The following TUNAR variants were observed in gnomAD, a reference collection of about 807,000 sequenced individuals.
TUNAR encodes the protein protein TUNAR.
At chr14:95,901,901 G>A (rs1434175944) in intron 2 of TUNAR, among the ~76,000 whole-genome samples, 45 of 152,284 alleles carry the variant, frequency 3.0e-4, no homozygotes, top group East Asian at 1.9e-4. Flanking sequence ...GCAGGGACAC[G>A]GTATCTGAGC....
chr14:95,916,771 ACT>A (rs1345657146), intron 2 of TUNAR, among the ~76,000 whole-genome samples: 4 of 151,930 alleles, frequency 2.6e-5, no homozygotes, highest in East Asian at 1.9e-4. Flanking sequence ...TACCGTACAG[ACT>A]CTGTCAGTGT....
At chr14:95,904,713 A>T (rs1049306502) in intron 2 of TUNAR, among the ~76,000 whole-genome samples, 12 of 152,198 alleles carry the variant, frequency 7.9e-5, no homozygotes, top group African/African-American at 2.7e-4. Flanking sequence ...AGCCCCTTCC[A>T]GGCCTCGGGC....
intron 2 of TUNAR, among the ~76,000 whole-genome samples, chr14:95,907,789 G>A (rs143344886): frequency 0.015 from 2,356 of 152,268 alleles, 23 homozygotes; most frequent in Non-Finnish European, 0.022. Flanking sequence ...AGGAGGCCCT[G>A]AAGAGGGTGA....
intron 2 of TUNAR, among the ~76,000 whole-genome samples, chr14:95,877,902 T>TGTTCTCTTTCCTGGG (rs1392831502): frequency 6.6e-6 from 1 of 152,210 alleles, no homozygotes; most frequent in Non-Finnish European, 1.5e-5. Flanking sequence ...TTTTCCTAGG[T>TGTTCTCTTTCCTGGG]GTTCTCTTTC....
intron 2 of TUNAR, among the ~76,000 whole-genome samples, chr14:95,888,684 G>T (rs191083073): frequency 6.6e-6 from 1 of 152,182 alleles, no homozygotes; most frequent in Admixed American, 6.5e-5. Flanking sequence ...AGAGCAAGAG[G>T]TTGTAGTGCG....
chr14:95,885,091 C>T (rs1005219550), intron 2 of TUNAR, among the ~76,000 whole-genome samples: 3 of 152,164 alleles, frequency 2.0e-5, no homozygotes, highest in Non-Finnish European at 2.9e-5. Flanking sequence ...GCGTGCTCAG[C>T]GCATGGGGCC....
At chr14:95,900,288 C>T (rs554475451) in intron 2 of TUNAR, among the ~76,000 whole-genome samples, 15 of 152,244 alleles carry the variant, frequency 9.9e-5, no homozygotes, top group South Asian at 8.3e-4. Context: ...GGGAAGGCTG[C>T]GCTGCTGGGA....
intron 2 of TUNAR, among the ~76,000 whole-genome samples, chr14:95,916,990 G>A (rs1014217687): frequency 3.3e-5 from 5 of 152,170 alleles, no homozygotes; most frequent in African/African-American, 1.2e-4. Flanking sequence ...CTAGAATGAT[G>A]TATAGTGTAT....
intron 2 of TUNAR, among the ~76,000 whole-genome samples, chr14:95,883,483 C>T (rs1311477896): frequency 1.3e-5 from 2 of 152,234 alleles, no homozygotes; most frequent in East Asian, 1.9e-4. Context: ...AGCTCTGGTC[C>T]AGGCACTGCT....
chr14:95,901,270 T>C (rs1296989929), intron 2 of TUNAR, among the ~76,000 whole-genome samples: 2 of 152,250 alleles, frequency 1.3e-5, no homozygotes, highest in African/African-American at 2.4e-5. Flanking sequence ...AGCAGAAATC[T>C]GGGCAACCAT....
rs185950029 is a variant in TUNAR at position 95,915,523 on chromosome 14, A to T, written c.13-7258A>T. Among the ~76,000 whole-genome samples the T allele has an allele frequency of 2.0e-3, 304 of 152,348 alleles. 1 individual carries two copies. Among genetic ancestry groups the T allele is most frequent in the Middle Eastern group, 0.01 (3 of 294 alleles). On this transcript the variant is annotated intron_variant, in intron 2 of 2. Coordinates refer to ENST00000678517, the Ensembl canonical transcript of TUNAR. Reference sequence around the variant, plus strand: ...CCATCCCCATGGCAGCTTGATTGACAGCCTCCATTAGGAAGGGTAATTTTC... The same window carrying T: ...CCATCCCCATGGCAGCTTGATTGACTGCCTCCATTAGGAAGGGTAATTTTC...
chr14:95,908,489 T>C (rs1347599328), intron 2 of TUNAR, among the ~76,000 whole-genome samples: 1 of 152,258 alleles, frequency 6.6e-6, no homozygotes, highest in East Asian at 1.9e-4. Flanking sequence ...TGCTGGTCTC[T>C]CATGACAACT....
At chr14:95,897,147 A>T (rs1889282142) in intron 2 of TUNAR, among the ~76,000 whole-genome samples, 1 of 152,180 alleles carries the variant, frequency 6.6e-6, no homozygotes, top group Non-Finnish European at 1.5e-5. Flanking sequence ...TGTTCTGGGG[A>T]TGTTTTTCCT....
chr14:95,888,968 A>G (rs1183129114), intron 2 of TUNAR, among the ~76,000 whole-genome samples: 1 of 152,196 alleles, frequency 6.6e-6, no homozygotes, highest in African/African-American at 2.4e-5. Context: ...ACCCCTCTGC[A>G]GTGTAAAGTG....
chr14:95,913,807 C>A (rs1961232), intron 2 of TUNAR, among the ~76,000 whole-genome samples: 18,107 of 152,064 alleles, frequency 0.12, 2,722 homozygotes, highest in African/African-American at 0.35. Flanking sequence ...ATCTCAGCTC[C>A]CTGCAACCTC....
chr14:95,886,740 A>C (rs1355522955), intron 2 of TUNAR, among the ~76,000 whole-genome samples: 3 of 152,190 alleles, frequency 2.0e-5, no homozygotes, highest in Non-Finnish European at 4.4e-5. Flanking sequence ...GTAGCACATG[A>C]AATCACTCTG....
intron 2 of TUNAR, among the ~76,000 whole-genome samples, chr14:95,910,112 C>T (rs1309865291): frequency 6.6e-6 from 1 of 152,210 alleles, no homozygotes; most frequent in Non-Finnish European, 1.5e-5. Context: ...TCCCTAGTAC[C>T]TACAAACTTC....
intron 2 of TUNAR, among the ~76,000 whole-genome samples, chr14:95,894,563 A>G (rs1356410537): frequency 6.6e-6 from 1 of 152,066 alleles, no homozygotes; most frequent in Non-Finnish European, 1.5e-5. Flanking sequence ...TTGTCGAAAC[A>G]CTTTTTTCTT....
At chr14:95,902,272 A>G (rs1281818503) in intron 2 of TUNAR, among the ~76,000 whole-genome samples, 2 of 152,068 alleles carry the variant, frequency 1.3e-5, no homozygotes, top group Non-Finnish European at 2.9e-5. Context: ...TTCTCCCTGC[A>G]TGTCAGCCGC....
Sources: gnomAD v4.1 joint callset for allele counts (sites outside exome capture counted in the v4.1 genomes callset) on GRCh38, gnomAD v4.1.1 for gene constraint, MANE v1.5 for transcripts, NCBI Gene and HGNC (gene_info 2026-07-23, HGNC 2026-07-21) for gene names.